ADGRL2: variants seen among roughly 807,000 people sequenced by gnomAD.
ADGRL2 encodes the protein adhesion G protein-coupled receptor L2.
A neutral mutation model predicts 157.4 loss-of-function variants in ADGRL2; 44 were observed. That is an observed-to-expected ratio of 0.28 (90% CI 0.22 to 0.36). The LOEUF (loss-of-function observed/expected upper bound fraction) is 0.36, where lower values mean the gene tolerates loss of function less well. Among genes scored for constraint, ADGRL2 ranks in the 10% least tolerant of loss-of-function variants. The pLI is 1.00. For synonymous variants in ADGRL2, 585 were observed against 624.7 expected (o/e 0.94, Z 0.95); for missense variants, 1,510 against 1,768.9 (o/e 0.85, Z 2.63).
intron 3 of ADGRL2, among the ~76,000 whole-genome samples, chr1:81,923,593 C>G (rs1032710141): frequency 6.6e-6 from 1 of 152,014 alleles, no homozygotes. Flanking sequence ...TAAACATCTA[C>G]ACAAAATTTC....
At chr1:81,871,337 A>T (rs1447248753) in intron 2 of ADGRL2, among the ~76,000 whole-genome samples, 1 of 151,984 alleles carries the variant, frequency 6.6e-6, no homozygotes, top group Non-Finnish European at 1.5e-5. Flanking sequence ...TCTATCATTG[A>T]TGGACATTTG....
intron 1 of ADGRL2, chr1:81,427,082 G>C: frequency 6.9e-7 from 1 of 1,456,796 alleles, no homozygotes; most frequent in Non-Finnish European, 9.6e-7. Flanking sequence ...AAGTGAAAAG[G>C]CCCTTTCTAA....
At chr1:81,870,021 A>G (rs1334375784) in intron 2 of ADGRL2, among the ~76,000 whole-genome samples, 1 of 141,546 alleles carries the variant, frequency 7.1e-6, no homozygotes, top group Non-Finnish European at 1.6e-5. Context: ...ACAAAACAAC[A>G]ATAACAAAAT....
At chr1:81,727,828 TAC>T (rs56400665) in intron 1 of ADGRL2, among the ~76,000 whole-genome samples, 2 of 150,654 alleles carry the variant, frequency 1.3e-5, no homozygotes, top group African/African-American at 4.9e-5. Flanking sequence ...TATATATATA[TAC>T]ATCTAAAAAG....
At chr1:81,365,906 G>C (rs2100947293) in intron 1 of ADGRL2, among the ~76,000 whole-genome samples, 1 of 152,266 alleles carries the variant, frequency 6.6e-6, no homozygotes, top group South Asian at 2.1e-4. Flanking sequence ...ATCTGAAAGT[G>C]TTGTTTTAAA....
chr1:81,949,067 A>T (rs1274865280), intron 6 of ADGRL2, among the ~76,000 whole-genome samples: 1 of 151,782 alleles, frequency 6.6e-6, no homozygotes, highest in African/African-American at 2.4e-5. Flanking sequence ...ATGTGTAGAT[A>T]AAGTGTAAAA....
At chr1:81,635,743 A>G (rs2082102562) in intron 3 of ADGRL2, among the ~76,000 whole-genome samples, 1 of 152,210 alleles carries the variant, frequency 6.6e-6, no homozygotes, top group African/African-American at 2.4e-5. Context: ...TTGGGGCATA[A>G]GATTTCAATG....
chr1:81,310,029 T>G (rs1659635004), intron 1 of ADGRL2, among the ~76,000 whole-genome samples: 2 of 152,192 alleles, frequency 1.3e-5, no homozygotes, highest in African/African-American at 4.8e-5. Flanking sequence ...CAAAATATTC[T>G]GGGTAGTAGT....
intron 3 of ADGRL2, among the ~76,000 whole-genome samples, chr1:81,616,674 C>CT (rs1393879384): frequency 3.9e-5 from 2 of 51,870 alleles, no homozygotes; most frequent in Admixed American, 2.1e-4. Flanking sequence ...CTTTTCTTTT[C>CT]TTTTCTTTTT....
At chr1:81,885,846 T>G (rs2094116420) in intron 2 of ADGRL2, among the ~76,000 whole-genome samples, 1 of 152,206 alleles carries the variant, frequency 6.6e-6, no homozygotes, top group Admixed American at 6.5e-5. Flanking sequence ...ACCCTGTTAC[T>G]GTTGTTTATG....
chr1:81,464,077 C>G (rs1036647034), intron 2 of ADGRL2, among the ~76,000 whole-genome samples: 3 of 151,924 alleles, frequency 2.0e-5, no homozygotes, highest in Non-Finnish European at 4.4e-5. Context: ...AGTAGTATGC[C>G]CCAGCAGGAA....
At chr1:81,776,227 C>T (rs910869468) in intron 2 of ADGRL2, among the ~76,000 whole-genome samples, 2 of 148,104 alleles carry the variant, frequency 1.4e-5, no homozygotes, top group South Asian at 2.1e-4. Flanking sequence ...CTCACTCTGT[C>T]GCCTAGGCTG....
rs6665740 is a variant in ADGRL2 at position 81,647,312 on chromosome 1, A to T, written c.-143+66332A>T. ...GATGAGACTTCACCTTATTTAAAGA[A>T]GCAGGTTATCTAAGCCATAATTATC... On this transcript the variant is annotated intron_variant, in intron 3 of 24. Transcript: ENST00000370721. 4.7e-4 allele frequency among the ~76,000 whole-genome samples: 71 copies of T among 151,954 alleles called. 1 individual carries two copies. Among genetic ancestry groups the T allele is most frequent in the African/African-American group, 1.2e-4 (5 of 41,430 alleles).
chr1:81,747,112 T>TAC (rs1491501498), intron 1 of ADGRL2, among the ~76,000 whole-genome samples: 1 of 145,230 alleles, frequency 6.9e-6, no homozygotes, highest in Admixed American at 6.9e-5. Context: ...CATATATGTG[T>TAC]ATATATGTGT....
intron 3 of ADGRL2, among the ~76,000 whole-genome samples, chr1:81,677,132 T>C (rs1274871025): frequency 6.6e-6 from 1 of 152,084 alleles, no homozygotes; most frequent in Non-Finnish European, 1.5e-5. Flanking sequence ...ATTACCAGCA[T>C]GCACCACCAC....
chr1:81,770,415 C>T (rs1462916252), intron 2 of ADGRL2, among the ~76,000 whole-genome samples: 1 of 152,032 alleles, frequency 6.6e-6, no homozygotes, highest in African/African-American at 2.4e-5. Flanking sequence ...CCCGCCTTGG[C>T]CTCTCAAAGT....
At chr1:81,546,920 G>T (rs1240526590) in intron 2 of ADGRL2, among the ~76,000 whole-genome samples, 2 of 152,166 alleles carry the variant, frequency 1.3e-5, no homozygotes, top group Admixed American at 1.3e-4. Context: ...TCCATTGCAA[G>T]AAACTGCCTT....
intron 1 of ADGRL2, among the ~76,000 whole-genome samples, chr1:81,378,877 T>C (rs2076297073): frequency 6.6e-6 from 1 of 152,220 alleles, no homozygotes; most frequent in South Asian, 2.1e-4. Context: ...ATAGATAGCA[T>C]ACTTTCAGGT....
intron 3 of ADGRL2, among the ~76,000 whole-genome samples, chr1:81,679,623 G>T (rs1223292924): frequency 2.6e-5 from 4 of 152,296 alleles, no homozygotes; most frequent in South Asian, 2.1e-4. Context: ...TGGAACCTTA[G>T]CCTAGTGTCT....
Sources: allele counts gnomAD v4.1 joint callset (sites outside exome capture counted in the v4.1 genomes callset), GRCh38; gene constraint gnomAD v4.1.1; transcripts MANE v1.5; gene names NCBI Gene and HGNC (gene_info 2026-07-23, HGNC 2026-07-21).